XPR1: variants seen among roughly 807,000 people sequenced by gnomAD.
XPR1 encodes the protein xenotropic and polytropic retrovirus receptor 1.
In XPR1, 28 loss-of-function variants were observed where a neutral mutation model predicts 87.5. The ratio of observed to expected loss-of-function variants is 0.32; its 90% CI spans 0.24 to 0.44. The LOEUF is 0.44. XPR1 is among the 20% of genes least tolerant of loss of function. The probability of loss-of-function intolerance (pLI) is 1.00; values close to 1 mark genes in which losing one functional copy is unlikely to be tolerated. For missense variants in XPR1, 559 were observed against 862.3 expected, an observed-to-expected ratio of 0.65 and a Z score of 4.41; for synonymous variants, 300 against 306.1, an observed-to-expected ratio of 0.98 and a Z score of 0.21.
chr1:180,830,139 G>A (rs535650294), intron 9 of XPR1, among the ~76,000 whole-genome samples: 1 of 152,146 alleles, frequency 6.6e-6, no homozygotes, highest in South Asian at 2.1e-4. Context: ...AGTCCATTCT[G>A]CACACTAGAG....
At chr1:180,820,711 C>T (rs1362233206) in intron 7 of XPR1, among the ~76,000 whole-genome samples, 2 of 152,272 alleles carry the variant, frequency 1.3e-5, no homozygotes, top group South Asian at 2.1e-4. Context: ...TCTGCACATC[C>T]TTGCCAACAC....
chr1:180,646,612 A>C (rs890125455), intron 1 of XPR1, among the ~76,000 whole-genome samples: 28 of 151,932 alleles, frequency 1.8e-4, no homozygotes, highest in African/African-American at 6.8e-4. Context: ...TTTTTTTGGC[A>C]GTCTTAGAAC....
chr1:180,803,195 T>C (rs988715716), intron 3 of XPR1, among the ~76,000 whole-genome samples, 193 bp from the exon 4 acceptor site: 1 of 152,204 alleles, frequency 6.6e-6, no homozygotes, highest in African/African-American at 2.4e-5. Context: ...AAAGGGTACA[T>C]GAGGTTTTAT....
intron 11 of XPR1, among the ~76,000 whole-genome samples, chr1:180,858,933 CT>C (rs943901545): frequency 6.6e-6 from 1 of 151,762 alleles, no homozygotes; most frequent in South Asian, 2.1e-4. Flanking sequence ...TTTGATTTTT[CT>C]TTTTTTTGGT....
At chr1:180,798,457 A>G (rs1571848361) in intron 3 of XPR1, among the ~76,000 whole-genome samples, 1 of 152,206 alleles carries the variant, frequency 6.6e-6, no homozygotes, top group Non-Finnish European at 1.5e-5. Flanking sequence ...AAAAAGGTCA[A>G]GGGGTTATAA....
At chr1:180,820,569 G>A (rs1650591643) in intron 7 of XPR1, among the ~76,000 whole-genome samples, 1 of 152,050 alleles carries the variant, frequency 6.6e-6, no homozygotes, top group Non-Finnish European at 1.5e-5. Context: ...TATTGTGAAT[G>A]GTACTGTTAG....
At chr1:180,825,394 G>T in intron 9 of XPR1, 50 bp downstream of exon 9, 1 of 1,550,784 alleles carries the variant, frequency 6.4e-7, no homozygotes, top group South Asian at 1.2e-5. Context: ...ATTGGTTATT[G>T]ACTTCCTCTA....
intron 2 of XPR1, among the ~76,000 whole-genome samples, chr1:180,755,733 A>G (rs1025399351): frequency 2.6e-5 from 4 of 152,054 alleles, no homozygotes; most frequent in Admixed American, 6.6e-5. Flanking sequence ...TTAGGTTCCT[A>G]TTTTTTTATG....
At chr1:180,672,185 A>G (rs946788479) in intron 1 of XPR1, among the ~76,000 whole-genome samples, 1 of 152,178 alleles carries the variant, frequency 6.6e-6, no homozygotes, top group Non-Finnish European at 1.5e-5. Context: ...TACAGATTAC[A>G]TATATCTTAT....
intron 2 of XPR1, among the ~76,000 whole-genome samples, chr1:180,754,681 T>C (rs1273412943): frequency 6.6e-6 from 1 of 152,016 alleles, no homozygotes; most frequent in Non-Finnish European, 1.5e-5. Context: ...AGGCTGGTCT[T>C]GAGCTCCTGG....
At chr1:180,766,749 C>A (rs1648301908) in intron 2 of XPR1, among the ~76,000 whole-genome samples, 1 of 152,082 alleles carries the variant, frequency 6.6e-6, no homozygotes, top group Non-Finnish European at 1.5e-5. Context: ...ACAATAAGTA[C>A]ATTTTCATTT....
At chr1:180,656,433 ATTTATATATAAATATTTATATAT>A (rs1655487974) in intron 1 of XPR1, among the ~76,000 whole-genome samples, 14 of 13,540 alleles carry the variant, frequency 1.0e-3, no homozygotes, top group African/African-American at 2.4e-3. Context: ...ATATTTATAT[ATTTATATATAAATATTTATATAT>A]TTATATATAA....
chr1:180,841,544 G>C (rs1651516745), intron 11 of XPR1, among the ~76,000 whole-genome samples: 1 of 152,070 alleles, frequency 6.6e-6, no homozygotes, highest in South Asian at 2.1e-4. Context: ...TATTTTCTTT[G>C]CTGACTAGAG....
chr1:180,709,633 T>G (rs1255219834), intron 2 of XPR1, among the ~76,000 whole-genome samples: 1 of 152,204 alleles, frequency 6.6e-6, no homozygotes, highest in Non-Finnish European at 1.5e-5. Flanking sequence ...TACGTTCACT[T>G]AGAATGTGTC....
intron 2 of XPR1, among the ~76,000 whole-genome samples, chr1:180,695,438 G>GTGTGTA (rs1657131021): frequency 2.0e-5 from 3 of 150,988 alleles, no homozygotes; most frequent in Non-Finnish European, 4.4e-5. Flanking sequence ...GTGTGTGTGT[G>GTGTGTA]TGTATGCGCG....
chr1:180,721,518 G>A (rs1192743768), intron 2 of XPR1, among the ~76,000 whole-genome samples: 7 of 152,152 alleles, frequency 4.6e-5, no homozygotes, highest in Admixed American at 2.6e-4. Context: ...GATTGAAACC[G>A]TCATTTTACT....
intron 2 of XPR1, among the ~76,000 whole-genome samples, chr1:180,786,921 A>C (rs1322175151): frequency 1.3e-5 from 2 of 152,250 alleles, no homozygotes; most frequent in Admixed American, 6.5e-5. Context: ...TGTAATTTAC[A>C]CTCTTCAGTG....
chr1:180,770,595 AC>A (rs1193333886), intron 2 of XPR1, among the ~76,000 whole-genome samples: 2 of 152,130 alleles, frequency 1.3e-5, no homozygotes, highest in Non-Finnish European at 2.9e-5. Context: ...ATTTTATCCA[AC>A]ATTTTTAGAT....
At chr1:180,645,960 A>T (rs1161007232) in intron 1 of XPR1, among the ~76,000 whole-genome samples, 1 of 152,240 alleles carries the variant, frequency 6.6e-6, no homozygotes, top group Non-Finnish European at 1.5e-5. Context: ...CAAAAACTTG[A>T]ATAGTTCTGC....
Sources: allele counts gnomAD v4.1 joint callset (sites outside exome capture counted in the v4.1 genomes callset), GRCh38; gene constraint gnomAD v4.1.1; transcripts MANE v1.5; gene names NCBI Gene and HGNC (gene_info 2026-07-23, HGNC 2026-07-21).